Variants in ARHGAP15 observed in about 807,000 individuals in gnomAD.
ARHGAP15 encodes Rho GTPase activating protein 15, also known as rho GTPase-activating protein 15.
A neutral mutation model predicts 63.7 loss-of-function variants in ARHGAP15; 51 were observed. That is an observed-to-expected ratio of 0.80 (90% CI 0.64 to 1.01). The LOEUF (loss-of-function observed/expected upper bound fraction) is 1.01, where lower values mean the gene tolerates loss of function less well. Among genes scored for constraint, ARHGAP15 ranks in the 50% least tolerant of loss-of-function variants. The pLI, the probability that ARHGAP15 is intolerant of heterozygous loss-of-function variation, is 0.00. For synonymous variants in ARHGAP15, 191 were observed against 193.8 expected, an observed-to-expected ratio of 0.99 and a Z score of 0.12; for missense variants, 560 against 564.6, an observed-to-expected ratio of 0.99 and a Z score of 0.08.
intron 6 of ARHGAP15, among the ~76,000 whole-genome samples, chr2:143,363,608 A>G (rs1171768334): frequency 6.6e-6 from 1 of 152,188 alleles, no homozygotes; most frequent in Non-Finnish European, 1.5e-5. Flanking sequence ...CTTAAGGGCT[A>G]TTTCAAAAAG....
intron 6 of ARHGAP15, among the ~76,000 whole-genome samples, chr2:143,347,351 T>C (rs1433661916): frequency 6.6e-6 from 1 of 152,192 alleles, no homozygotes; most frequent in Non-Finnish European, 1.5e-5. Context: ...AGAATCAGCT[T>C]CTTGCTAAAA....
chr2:143,229,258 A>G (rs1185777887), intron 5 of ARHGAP15, among the ~76,000 whole-genome samples: 5 of 152,146 alleles, frequency 3.3e-5, no homozygotes, highest in African/African-American at 4.8e-5. Context: ...AAATTAGCCA[A>G]GTGATTTTTT....
chr2:143,652,489 A>G (rs1681220630), intron 12 of ARHGAP15, among the ~76,000 whole-genome samples: 1 of 152,104 alleles, frequency 6.6e-6, no homozygotes, highest in Non-Finnish European at 1.5e-5. Context: ...CAAAATTTTA[A>G]TTGGCTTTCC....
chr2:143,395,017 C>T (rs975279687), intron 6 of ARHGAP15, among the ~76,000 whole-genome samples: 4 of 152,260 alleles, frequency 2.6e-5, no homozygotes, highest in African/African-American at 9.6e-5. Flanking sequence ...GTCTGAAAGA[C>T]ACTGTCTTTC....
At chr2:143,211,255 G>A (rs1046456134) in intron 3 of ARHGAP15, among the ~76,000 whole-genome samples, 3 of 147,454 alleles carry the variant, frequency 2.0e-5, no homozygotes, top group Middle Eastern at 3.6e-3. Context: ...TAAAAACAAA[G>A]GCAAAATAAA....
At chr2:143,202,592 A>C (rs1692164182) in intron 3 of ARHGAP15, among the ~76,000 whole-genome samples, 1 of 146,320 alleles carries the variant, frequency 6.8e-6, no homozygotes, top group South Asian at 2.2e-4. Context: ...GCAAGATGGA[A>C]GTCAAAAATC....
chr2:143,428,194 G>T lies in ARHGAP15; in HGVS notation c.475-7407G>T, dbSNP rs55730839. Reference sequence around the variant, plus strand: ...AGGTGACATCTCAAATGATTTGAATGATATGACAGAGGATGTCAAAGGGGT... The same window carrying T: ...AGGTGACATCTCAAATGATTTGAATTATATGACAGAGGATGTCAAAGGGGT... On this transcript the variant is annotated intron_variant, in intron 6 of 13. Transcript: ENST00000295095. Among the ~76,000 whole-genome samples, 783 of 152,162 alleles carry T rather than the reference G, an allele frequency of 5.1e-3. 2 individuals are homozygous for T. The highest frequency in any genetic ancestry group is 0.017 in the African/African-American group (723 of 41,540).
At chr2:143,425,403 CTT>C (rs1301197195) in intron 6 of ARHGAP15, among the ~76,000 whole-genome samples, 11 of 151,658 alleles carry the variant, frequency 7.3e-5, no homozygotes, top group Non-Finnish European at 1.2e-4. Context: ...TTATATATAA[CTT>C]TATAGTATGT....
chr2:143,654,410 T>C (rs932492455), intron 12 of ARHGAP15, among the ~76,000 whole-genome samples: 4 of 152,182 alleles, frequency 2.6e-5, no homozygotes, highest in Admixed American at 6.5e-5. Context: ...TACTTAGGTT[T>C]GTGATAATGT....
At chr2:143,628,986 G>A (rs1178225262) in intron 12 of ARHGAP15, among the ~76,000 whole-genome samples, 2 of 152,094 alleles carry the variant, frequency 1.3e-5, no homozygotes, top group African/African-American at 4.8e-5. Context: ...GAGTTAAAAG[G>A]TGGTTAGACC....
intron 6 of ARHGAP15, among the ~76,000 whole-genome samples, chr2:143,353,109 AAAATT>A (rs1029097892): frequency 5.9e-5 from 9 of 152,176 alleles, no homozygotes; most frequent in African/African-American, 2.2e-4. Flanking sequence ...CATTTTAAAA[AAAATT>A]AGAAGGCACA....
chr2:143,483,325 A>G (rs1416873690), intron 8 of ARHGAP15, among the ~76,000 whole-genome samples: 3 of 152,168 alleles, frequency 2.0e-5, no homozygotes, highest in African/African-American at 7.2e-5. Flanking sequence ...ATGTGTGTAT[A>G]TTTTAATTTG....
intron 10 of ARHGAP15, among the ~76,000 whole-genome samples, chr2:143,523,826 A>T (rs1694153802): frequency 6.6e-6 from 1 of 152,180 alleles, no homozygotes; most frequent in South Asian, 2.1e-4. Context: ...GATTTATTGT[A>T]CAACAGTGTG....
intron 9 of ARHGAP15, among the ~76,000 whole-genome samples, chr2:143,494,313 G>A (rs537401941): frequency 1.3e-5 from 2 of 151,812 alleles, no homozygotes; most frequent in Non-Finnish European, 2.9e-5. Context: ...TTTAACTTTA[G>A]CAATCATGTT....
At chr2:143,146,211 T>A (rs1689583546) in intron 1 of ARHGAP15, among the ~76,000 whole-genome samples, 1 of 151,898 alleles carries the variant, frequency 6.6e-6, no homozygotes, top group African/African-American at 2.4e-5. Flanking sequence ...AACATATATA[T>A]TAAAAATAGA....
chr2:143,388,025 T>C (rs766127082), intron 6 of ARHGAP15, among the ~76,000 whole-genome samples: 2 of 152,176 alleles, frequency 1.3e-5, no homozygotes, highest in Non-Finnish European at 2.9e-5. Context: ...GCTTTCCCTT[T>C]TCTTTCTAAA....
chr2:143,382,073 C>CTTCCTTCCT (rs1158098369), intron 6 of ARHGAP15, among the ~76,000 whole-genome samples: 2 of 123,662 alleles, frequency 1.6e-5, no homozygotes, highest in African/African-American at 3.1e-5. Context: ...TCCTTCCTTC[C>CTTCCTTCCT]TTCCTTCCTT....
intron 6 of ARHGAP15, among the ~76,000 whole-genome samples, chr2:143,263,443 C>T (rs1002389214): frequency 1.3e-5 from 2 of 152,170 alleles, no homozygotes; most frequent in African/African-American, 4.8e-5. Context: ...TCTGCCTCTG[C>T]TGCTGGAAGA....
intron 2 of ARHGAP15, among the ~76,000 whole-genome samples, chr2:143,161,673 A>G (rs1332691161): frequency 6.6e-6 from 1 of 151,910 alleles, no homozygotes; most frequent in African/African-American, 2.4e-5. Context: ...ACTGCTTCCA[A>G]TTCTATATGA....
Sources: allele counts gnomAD v4.1 joint callset (sites outside exome capture counted in the v4.1 genomes callset), GRCh38; gene constraint gnomAD v4.1.1; transcripts MANE v1.5; gene names NCBI Gene and HGNC (gene_info 2026-07-23, HGNC 2026-07-21).